The following MTX2 variants were observed in gnomAD, a reference collection of about 807,000 sequenced individuals.
MTX2 encodes metaxin-2.
A neutral mutation model predicts 42.3 loss-of-function variants in MTX2; 35 were observed. The observed-to-expected ratio is 0.83, with a 90% confidence interval of 0.63 to 1.10. MTX2 has a LOEUF of 1.10. Among genes scored for constraint, MTX2 ranks in the 50% least tolerant of loss-of-function variants. MTX2 has a pLI of 0.00. For synonymous variants in MTX2, 119 were observed against 100.9 expected, an observed-to-expected ratio of 1.18 and a Z score of -1.08; for missense variants, 307 against 304.1, an observed-to-expected ratio of 1.01 and a Z score of -0.07.
chr2:176,309,863 G>T (rs1364461655), intron 3 of MTX2, among the ~76,000 whole-genome samples: 2 of 150,956 alleles, frequency 1.3e-5, no homozygotes, highest in Non-Finnish European at 2.9e-5. Context: ...TATCCAATTT[G>T]CCAGTCTGTG....
At chr2:176,270,416 A>G (rs969572323) in intron 1 of MTX2, 13 of 1,361,628 alleles carry the variant, frequency 9.5e-6, no homozygotes, top group Non-Finnish European at 1.3e-5. Context: ...ACTGATGTAT[A>G]TAGGTTTGTA....
At chr2:176,323,829 A>G (rs1369816036) in intron 4 of MTX2, among the ~76,000 whole-genome samples, 1 of 151,766 alleles carries the variant, frequency 6.6e-6, no homozygotes, top group Non-Finnish European at 1.5e-5. Flanking sequence ...ATTATTCCAC[A>G]CATCTTTCTT....
Position 176,272,592 on chromosome 2 carries a change from T to C in MTX2, c.40+2923T>C, listed in dbSNP as rs182751837. Among the ~76,000 whole-genome samples the C allele has an allele frequency of 3.0e-3, 461 of 152,232 alleles. 5 individuals are homozygous for C. The highest frequency in any genetic ancestry group is 0.01 in the African/African-American group (419 of 41,520). On this transcript the variant is annotated intron_variant, in intron 1 of 9. Transcript: ENST00000249442. Reference sequence around the variant, plus strand: ...TATGGTATGGTCACATTTTTACAGATCCAAAAATGAAGAAGTATATCTGTT... The same window carrying C: ...TATGGTATGGTCACATTTTTACAGACCCAAAAATGAAGAAGTATATCTGTT...
chr2:176,278,039 T>G (rs1390518634), intron 1 of MTX2, among the ~76,000 whole-genome samples: 4 of 139,202 alleles, frequency 2.9e-5, no homozygotes, highest in Admixed American at 7.6e-5. Flanking sequence ...AGGTTGAAAC[T>G]GGTTTTTTTT....
chr2:176,335,130 A>C lies in MTX2; in HGVS notation c.621-2363A>C, dbSNP rs1575065311. Among the ~76,000 whole-genome samples, 6 of 152,190 alleles carry C rather than the reference A, an allele frequency of 3.9e-5. No homozygotes were observed. In the South Asian group the frequency reaches 1.2e-3, roughly 32 times the overall value. On this transcript the variant is annotated intron_variant, in intron 9 of 9. Coordinates refer to ENST00000249442, the MANE Select transcript of MTX2 (RefSeq NM_006554.5). The stretch of plus-strand genomic sequence containing the variant: ...AAGGAGTGACTACATGTCCACTTTA[A>C]TTTGAGTGGTCTGAGGAGACTTTAA...
At chr2:176,283,082 A>G (rs1693119314) in intron 1 of MTX2, among the ~76,000 whole-genome samples, 1 of 152,240 alleles carries the variant, frequency 6.6e-6, no homozygotes, top group South Asian at 2.1e-4. Flanking sequence ...AGACAAGAAT[A>G]GGTTAACCAG....
intron 3 of MTX2, among the ~76,000 whole-genome samples, chr2:176,302,425 A>C (rs913231593): frequency 6.6e-6 from 1 of 152,036 alleles, no homozygotes; most frequent in African/African-American, 2.4e-5. Flanking sequence ...ATAATTTAAA[A>C]GTCAGCATTT....
At chr2:176,299,395 AG>A (rs1683969772) in intron 3 of MTX2, among the ~76,000 whole-genome samples, 1 of 151,942 alleles carries the variant, frequency 6.6e-6, no homozygotes. Flanking sequence ...AACCCGGAGA[AG>A]GGGGGAAAAA....
At chr2:176,318,095 T>C (rs1684488246) in intron 3 of MTX2, among the ~76,000 whole-genome samples, 1 of 152,212 alleles carries the variant, frequency 6.6e-6, no homozygotes, top group South Asian at 2.1e-4. Context: ...TCTGCTTTTG[T>C]CTCCTCTGCT....
chr2:176,280,537 G>A (rs550152803), intron 1 of MTX2, among the ~76,000 whole-genome samples: 19 of 152,306 alleles, frequency 1.2e-4, no homozygotes, highest in East Asian at 7.7e-4. Context: ...CATGTTGTGA[G>A]TGGCACAAGG....
At chr2:176,318,536 A>G (rs964654418) in intron 3 of MTX2, among the ~76,000 whole-genome samples, 2 of 152,208 alleles carry the variant, frequency 1.3e-5, no homozygotes, top group African/African-American at 4.8e-5. Flanking sequence ...ACATAAGAAT[A>G]CATTTGCCTC....
At chr2:176,304,260 T>G (rs1292991539) in intron 3 of MTX2, 1 of 154,422 alleles carries the variant, frequency 6.5e-6, no homozygotes, top group African/African-American at 2.4e-5. Context: ...TCTTTGAACA[T>G]TCTACAACAA....
intron 4 of MTX2, among the ~76,000 whole-genome samples, chr2:176,324,175 T>C (rs558611272): frequency 3.3e-5 from 5 of 151,576 alleles, no homozygotes; most frequent in Non-Finnish European, 7.4e-5. Context: ...TTACTCCTTT[T>C]TGAATAAATT....
intron 1 of MTX2, among the ~76,000 whole-genome samples, chr2:176,275,189 AT>A (rs1692918717): frequency 6.6e-6 from 1 of 152,008 alleles, no homozygotes; most frequent in Non-Finnish European, 1.5e-5. Context: ...ATGGTAAGTT[AT>A]GCTTTTGAAT....
chr2:176,314,820 A>T (rs957284240), intron 3 of MTX2, among the ~76,000 whole-genome samples: 1 of 152,126 alleles, frequency 6.6e-6, no homozygotes, highest in African/African-American at 2.4e-5. Context: ...CTTCTCATTT[A>T]ACTAAGACGT....
intron 1 of MTX2, among the ~76,000 whole-genome samples, chr2:176,289,762 T>A (rs1467129036): frequency 6.6e-6 from 1 of 152,084 alleles, no homozygotes; most frequent in East Asian, 1.9e-4. Flanking sequence ...ATAATTAATT[T>A]CTAAAAGGTG....
At chr2:176,302,126 GTT>G (rs80143449) in intron 3 of MTX2, among the ~76,000 whole-genome samples, 10 of 125,214 alleles carry the variant, frequency 8.0e-5, no homozygotes, top group Admixed American at 8.0e-5. Flanking sequence ...AAAAGCTGGT[GTT>G]TTTTTTTTTT....
In MTX2 at chr2:176,328,734, A is replaced by G; in HGVS notation, c.379-140A>G. ...ACGTACCATCATTACATTTTTGTGG[A>G]TAGCAGCTAAGAAAAACAAACCGCT... On this transcript the variant is annotated intron_variant, in intron 6 of 9. Transcript: ENST00000249442. The G allele has an allele frequency of 4.5e-6, 3 of 669,604 alleles. No homozygotes were observed. The South Asian group carries it at 6.5e-5, about 14-fold the overall frequency. 41.5% of individuals were successfully genotyped at this position (669,604 alleles called of 1,614,324 possible). A position where few individuals can be genotyped will look rare whatever the true frequency, so the allele number is the denominator to read the frequency against.
intron 1 of MTX2, among the ~76,000 whole-genome samples, chr2:176,274,835 C>T (rs1272145757): frequency 3.9e-5 from 6 of 152,146 alleles, no homozygotes; most frequent in Non-Finnish European, 7.4e-5. Flanking sequence ...TTAATTATAT[C>T]AGCAGAATCT....
Sources: allele counts gnomAD v4.1 joint callset (sites outside exome capture counted in the v4.1 genomes callset), GRCh38; gene constraint gnomAD v4.1.1; transcripts MANE v1.5; gene names NCBI Gene and HGNC (gene_info 2026-07-23, HGNC 2026-07-21).